Variants in ADGRG4 observed in about 807,000 individuals in gnomAD.
ADGRG4 encodes G protein-coupled receptor 112.
Under a neutral mutation model 126.2 loss-of-function variants are expected in ADGRG4, and 122 were observed. The ratio of observed to expected loss-of-function variants is 0.97; its 90% CI spans 0.83 to 1.12. ADGRG4 has a LOEUF of 1.12. ADGRG4 is among the 50% of genes most tolerant of loss of function. The pLI is 0.00. For synonymous variants in ADGRG4, 943 were observed against 838.7 expected (o/e 1.12, Z -2.15); for missense variants, 2,481 against 2,251.8 (o/e 1.10, Z -2.06).
At chrX:136,320,172 A>G (rs2074831237) in intron 4 of ADGRG4, among the ~76,000 whole-genome samples, 1 of 111,926 alleles carries the variant, frequency 8.9e-6, no homozygotes, top group Non-Finnish European at 1.9e-5. Context: ...ATTTTCCTAA[A>G]TAGTCACTTA....
intron 19 of ADGRG4, among the ~76,000 whole-genome samples, chrX:136,397,057 G>T (rs983611205): frequency 1.8e-5 from 2 of 111,146 alleles, no homozygotes; most frequent in African/African-American, 3.3e-5. Flanking sequence ...CCAAGGTGCT[G>T]AGATTACAGG....
intron 4 of ADGRG4, among the ~76,000 whole-genome samples, chrX:136,315,481 C>T (rs2074799511): frequency 1.8e-5 from 2 of 111,125 alleles, no homozygotes; most frequent in African/African-American, 6.5e-5. Context: ...GTAGAACGCT[C>T]ACTCTCAGAG....
rs150577270 is a variant in ADGRG4, at chrX:136,360,569, G to T, written c.7145-886G>T. Among the ~76,000 whole-genome samples the T allele has an allele frequency of 5.3e-3, 588 of 110,711 alleles. 5 individuals carry two copies. Among genetic ancestry groups the T allele is most frequent in the African/African-American group, 0.018 (558 of 30,449 alleles). ...ACCAGCCTGGGCAACAAAGCAAGAC[G>T]CTGTCTCTACAAAAAATAAAAAATT... is the stretch of plus-strand genomic sequence containing the variant. On this transcript the variant is annotated intron_variant, in intron 11 of 25. Transcript: ENST00000394143.
At chrX:136,371,913 C>T (rs1002982638) in intron 14 of ADGRG4, among the ~76,000 whole-genome samples, 1 of 111,365 alleles carries the variant, frequency 9.0e-6, no homozygotes, top group African/African-American at 3.3e-5. Context: ...CTCAAGGATA[C>T]GAACGGACGA....
rs764341503 is a variant in ADGRG4 at position 136,322,638 on chromosome X, C to T, written c.71-140C>T. 2.4e-4 allele frequency: 111 copies of T among 462,392 alleles called. 1 individual carries two copies. Among genetic ancestry groups the T allele is most frequent in the Admixed American group, 9.2e-5 (2 of 21,791 alleles). The allele number at this position is 462,392 out of a possible 1,213,427, so 38.1% of individuals were successfully genotyped here. On this transcript the variant is annotated intron_variant, in intron 4 of 25. Coordinates refer to ENST00000394143, the MANE Select transcript of ADGRG4 (RefSeq NM_153834.4). ...AAATAGAGATGATTTTTTACATCTA[C>T]TATTTTTGTTTATTTGCACCAGTAT...
At chrX:136,405,372 A>C (rs1488935587) in intron 22 of ADGRG4, among the ~76,000 whole-genome samples, 3 of 111,269 alleles carry the variant, frequency 2.7e-5, no homozygotes, top group Admixed American at 9.5e-5. Context: ...TTTGGGGGAA[A>C]ATGTATCATT....
Position 136,387,860 on chromosome X carries a change from A to G in ADGRG4, c.7897A>G (p.Thr2633Ala). 1 of 1,207,758 alleles carries G rather than the reference A, an allele frequency of 8.3e-7. No individual in the cohort carries two copies. The highest frequency in any genetic ancestry group is 1.1e-6 in the Non-Finnish European group (1 of 893,014). The change falls in exon 16 of 26, where the codon ACT becomes GCT. Residue 2633 changes from threonine (T) to alanine (A), a missense_variant. Physicochemically the swap from Thr to Ala is moderately conservative, Grantham distance 58. Transcript: ENST00000394143. ...QTILFNFFGQ[T>A]SLFKTKNVTK... ...GATCTTGTTTAATTTCTTTGGCCAA[A>G]CTTCACTCTTTAAGGTAAATTCTTG...
chrX:136,370,303 T>C (rs1171721734), intron 13 of ADGRG4, among the ~76,000 whole-genome samples: 2 of 112,190 alleles, frequency 1.8e-5, no homozygotes, highest in Non-Finnish European at 3.8e-5. Flanking sequence ...GTTATTGGAC[T>C]TGAATGTGAG....
chrX:136,374,699 G>A (rs762481639), intron 15 of ADGRG4, among the ~76,000 whole-genome samples: 1 of 111,691 alleles, frequency 9.0e-6, no homozygotes, highest in African/African-American at 3.3e-5. Flanking sequence ...CAAAATGCTG[G>A]GATTACAGGT....
At chrX:136,328,270 C>G (rs1218385992) in intron 5 of ADGRG4, among the ~76,000 whole-genome samples, 1 of 111,600 alleles carries the variant, frequency 9.0e-6, no homozygotes, top group Non-Finnish European at 1.9e-5. Context: ...TTTCTAGTTT[C>G]TAGCTATGAC....
Position 136,395,422 on chromosome X carries a change from A to G in ADGRG4, c.8113A>G (p.Lys2705Glu). The change falls in exon 19 of 26, where the codon AAA becomes GAA. Residue 2705 changes from lysine to glutamate, a missense_variant. Coordinates refer to ENST00000394143, the MANE Select transcript of ADGRG4 (RefSeq NM_153834.4). The part of the protein sequence containing the change: ...GLGGWNSSGC[K>E]VKETNVNYTI... The stretch of plus-strand genomic sequence containing the variant: ...GGGTGGATGGAATTCGTCAGGCTGT[A>G]AAGTAAAGGAAACAAATGTAAATTA... 8.3e-7 allele frequency: 1 copy of G among 1,203,337 alleles called. No homozygotes were observed. Among genetic ancestry groups the G allele is most frequent in the Non-Finnish European group, 1.1e-6 (1 of 888,344 alleles).
Position 136,384,843 on chromosome X carries a change from T to A in ADGRG4, c.7777-2897T>A, listed in dbSNP as rs774056202. On this transcript the variant is annotated intron_variant, in intron 15 of 25. Transcript: ENST00000394143. ...AATGTGTAATTTTTCTCTGGCTTTT[T>A]AAAATATTTTCTTTGATATTCTGCA... Among the ~76,000 whole-genome samples the A allele has an allele frequency of 6.3e-5, 7 of 111,528 alleles. No homozygotes were observed. In the East Asian group the frequency reaches 1.1e-3, roughly 18 times the overall value.
intron 20 of ADGRG4, among the ~76,000 whole-genome samples, chrX:136,399,323 A>C (rs2075367320): frequency 8.9e-6 from 1 of 112,787 alleles, no homozygotes; most frequent in African/African-American, 3.2e-5. Context: ...ATCAATAAAT[A>C]TTTAATAACA....
intron 13 of ADGRG4, among the ~76,000 whole-genome samples, chrX:136,368,910 C>G (rs760065698): frequency 3.9e-4 from 44 of 112,380 alleles, no homozygotes; most frequent in Non-Finnish European, 3.9e-4. Flanking sequence ...TTCTCACCAG[C>G]TGGTAAAAGT....
intron 4 of ADGRG4, among the ~76,000 whole-genome samples, chrX:136,311,905 C>T (rs1033456845): frequency 9.9e-5 from 11 of 110,788 alleles, no homozygotes; most frequent in African/African-American, 1.3e-4. Flanking sequence ...CTGTGTTGCC[C>T]GGACTGGTCT....
rs187258381 is a variant in ADGRG4 at position 136,405,788 on chromosome X, T to G, written c.8751T>G (p.Leu2917=). Residue 2917 remains leucine, a synonymous_variant, in exon 23 of 26, where the codon CTT becomes CTG. Transcript: ENST00000394143. Reference sequence around the variant, plus strand: ...ATCTCTCCATGTTCTGCACTGTTCTTGTTCAACTGAATTCTGTGAAATCCC... The same window carrying G: ...ATCTCTCCATGTTCTGCACTGTTCTGGTTCAACTGAATTCTGTGAAATCCC... The part of the protein sequence containing the change: ...LMNLSMFCTV[L]VQLNSVKSQI... 2.9e-4 allele frequency: 352 copies of G among 1,209,147 alleles called. No individual in the cohort carries two copies. Among genetic ancestry groups the G allele is most frequent in the Middle Eastern group, 6.9e-4 (3 of 4,349 alleles).
At chrX:136,370,301 A>G (rs1372848453) in intron 13 of ADGRG4, among the ~76,000 whole-genome samples, 1 of 111,889 alleles carries the variant, frequency 8.9e-6, no homozygotes, top group Non-Finnish European at 1.9e-5. Flanking sequence ...TGGTTATTGG[A>G]CTTGAATGTG....
At chrX:136,416,184 T>A (rs913393801) in intron 25 of ADGRG4, among the ~76,000 whole-genome samples, 1 of 111,879 alleles carries the variant, frequency 8.9e-6, no homozygotes, top group African/African-American at 3.3e-5. Context: ...TACATAAATA[T>A]CCTCTCCTAG....
intron 15 of ADGRG4, among the ~76,000 whole-genome samples, chrX:136,376,464 A>G (rs1384642548): frequency 8.9e-6 from 1 of 111,830 alleles, no homozygotes; most frequent in Non-Finnish European, 1.9e-5. Context: ...TGCATTATCT[A>G]TAGATTGCTT....
Sources: gnomAD v4.1 joint callset for allele counts (sites outside exome capture counted in the v4.1 genomes callset) on GRCh38, gnomAD v4.1.1 for gene constraint, MANE v1.5 for transcripts, NCBI Gene and HGNC (gene_info 2026-07-23, HGNC 2026-07-21) for gene names.